MLLT3: variants seen among roughly 807,000 people sequenced by gnomAD.
The protein encoded by MLLT3 is protein AF-9.
In MLLT3, 4 loss-of-function variants were observed where a neutral mutation model predicts 53.2. The ratio of observed to expected loss-of-function variants is 0.08; its 90% CI spans 0.04 to 0.17. MLLT3 has a LOEUF of 0.17. Ranked by LOEUF, MLLT3 falls within the 10% of genes least tolerant of loss-of-function variation. The pLI, the probability that MLLT3 is intolerant of heterozygous loss-of-function variation, is 1.00. For missense variants in MLLT3, 569 were observed against 684.0 expected (o/e 0.83, Z 1.87); for synonymous variants, 283 against 230.6 (o/e 1.23, Z -2.06).
intron 5 of MLLT3, among the ~76,000 whole-genome samples, chr9:20,370,759 C>T (rs141242613): frequency 6.6e-5 from 10 of 152,138 alleles, no homozygotes; most frequent in African/African-American, 2.4e-4. Flanking sequence ...GATCCACCTG[C>T]CTTGGCCTCC....
chr9:20,507,742 G>GAAAAAAAA (rs72452530), intron 2 of MLLT3, among the ~76,000 whole-genome samples: 62 of 84,470 alleles, frequency 7.3e-4, no homozygotes, highest in African/African-American at 2.1e-3. Flanking sequence ...TCCCAAAATG[G>GAAAAAAAA]AAAAAAAAAA....
chr9:20,449,959 TC>T (rs1232704503), intron 3 of MLLT3, among the ~76,000 whole-genome samples: 2 of 152,170 alleles, frequency 1.3e-5, no homozygotes, highest in Admixed American at 1.3e-4. Context: ...TGACAGTGAC[TC>T]CCCCAAGTGT....
At chr9:20,375,261 G>A (rs916389763) in intron 5 of MLLT3, among the ~76,000 whole-genome samples, 3 of 152,198 alleles carry the variant, frequency 2.0e-5, no homozygotes, top group Non-Finnish European at 4.4e-5. Flanking sequence ...ATATTTAGGT[G>A]AATTAGAACC....
intron 2 of MLLT3, among the ~76,000 whole-genome samples, chr9:20,587,649 G>A (rs191494265): frequency 1.9e-4 from 29 of 152,334 alleles, no homozygotes; most frequent in African/African-American, 6.5e-4. Context: ...CTTTTGAGAA[G>A]TGTCTGTTCA....
At position 20,400,265 on chromosome 9, in the gene MLLT3, C is replaced by A. The variant is rs1822422178; in HGVS notation, c.1125+13456G>T. On this transcript the variant is annotated intron_variant, in intron 5 of 10. Coordinates refer to ENST00000380338, the MANE Select transcript of MLLT3 (RefSeq NM_004529.4). ...GAAATTCTATGACAACCAAGTTTTT[C>A]TCCTCTTGCATCTTCATGTGAAAAA... 3.3e-5 allele frequency among the ~76,000 whole-genome samples: 5 copies of A among 152,222 alleles called. No homozygotes were observed. In the South Asian group the frequency reaches 1.0e-3, roughly 32 times the overall value.
chr9:20,586,876 C>T (rs894510393), intron 2 of MLLT3, among the ~76,000 whole-genome samples: 3 of 152,018 alleles, frequency 2.0e-5, no homozygotes, highest in Non-Finnish European at 4.4e-5. Flanking sequence ...TAGTATAATA[C>T]CATTTTCAAT....
chr9:20,524,362 G>T (rs1375655796), intron 2 of MLLT3, among the ~76,000 whole-genome samples: 1 of 151,896 alleles, frequency 6.6e-6, no homozygotes, highest in Non-Finnish European at 1.5e-5. Flanking sequence ...CCTTATCTCA[G>T]TTCTGGTATA....
chr9:20,517,914 T>G (rs1034403079), intron 2 of MLLT3, among the ~76,000 whole-genome samples: 1 of 152,004 alleles, frequency 6.6e-6, no homozygotes, highest in Non-Finnish European at 1.5e-5. Flanking sequence ...GATGAAGACT[T>G]GTCAGAAGGC....
At chr9:20,622,219 T>C in intron 1 of MLLT3, 26 bp downstream of exon 1, 1 of 1,599,706 alleles carries the variant, frequency 6.3e-7, no homozygotes. Flanking sequence ...GGGAGGGCTT[T>C]TATTATTATT....
At chr9:20,552,158 C>T (rs1818940772) in intron 2 of MLLT3, among the ~76,000 whole-genome samples, 1 of 152,166 alleles carries the variant, frequency 6.6e-6, no homozygotes, top group African/African-American at 2.4e-5. Flanking sequence ...CAGTGAGCAA[C>T]AGTAGCAAAG....
chr9:20,365,821 G>T, intron 5 of MLLT3, 77 bp from the exon 6 acceptor site: 1 of 1,445,606 alleles, frequency 6.9e-7, no homozygotes, highest in Non-Finnish European at 9.6e-7. Flanking sequence ...CAGTATTGTT[G>T]CTCAAACCAT....
At chr9:20,471,138 T>C (rs1236364512) in intron 2 of MLLT3, among the ~76,000 whole-genome samples, 1 of 152,090 alleles carries the variant, frequency 6.6e-6, no homozygotes, top group South Asian at 2.1e-4. Context: ...GTCAGTGAGT[T>C]AATTCCTAGC....
chr9:20,561,178 AG>A (rs1310845048), intron 2 of MLLT3, among the ~76,000 whole-genome samples: 4 of 152,116 alleles, frequency 2.6e-5, no homozygotes, highest in Non-Finnish European at 5.9e-5. Flanking sequence ...TTATTTCTCT[AG>A]TTAACATGTA....
At chr9:20,467,007 G>A (rs1368220713) in intron 2 of MLLT3, among the ~76,000 whole-genome samples, 1 of 152,160 alleles carries the variant, frequency 6.6e-6, no homozygotes, top group African/African-American at 2.4e-5. Flanking sequence ...TATAATACAA[G>A]CTAGAGTATA....
At chr9:20,562,195 C>G (rs1819234342) in intron 2 of MLLT3, among the ~76,000 whole-genome samples, 1 of 152,076 alleles carries the variant, frequency 6.6e-6, no homozygotes, top group Non-Finnish European at 1.5e-5. Flanking sequence ...GACTCAGTAG[C>G]TTCCATAGTA....
intron 2 of MLLT3, among the ~76,000 whole-genome samples, chr9:20,469,126 G>C (rs1326890661): frequency 1.3e-5 from 2 of 152,062 alleles, no homozygotes; most frequent in Admixed American, 1.3e-4. Flanking sequence ...ATTCTTACTT[G>C]GGAGTCACCT....
At chr9:20,427,927 A>C (rs1008426389) in intron 4 of MLLT3, among the ~76,000 whole-genome samples, 1 of 152,132 alleles carries the variant, frequency 6.6e-6, no homozygotes, top group African/African-American at 2.4e-5. Context: ...CTTTCTAATT[A>C]GTTTACTACA....
intron 2 of MLLT3, among the ~76,000 whole-genome samples, chr9:20,552,161 T>C (rs964857252): frequency 6.6e-6 from 1 of 152,192 alleles, no homozygotes; most frequent in African/African-American, 2.4e-5. Context: ...TGAGCAACAG[T>C]AGCAAAGATG....
chr9:20,440,651 T>C (rs188596719), intron 4 of MLLT3, among the ~76,000 whole-genome samples: 5 of 152,152 alleles, frequency 3.3e-5, no homozygotes, highest in East Asian at 1.9e-4. Flanking sequence ...TTTGTATGCA[T>C]CCTTGAAACA....
Sources: gnomAD v4.1 joint callset for allele counts (sites outside exome capture counted in the v4.1 genomes callset) on GRCh38, gnomAD v4.1.1 for gene constraint, MANE v1.5 for transcripts, NCBI Gene and HGNC (gene_info 2026-07-23, HGNC 2026-07-21) for gene names.